The following EYS variants were observed in gnomAD, a reference collection of about 807,000 sequenced individuals.
The protein encoded by EYS is protein eyes shut homolog.
A neutral mutation model predicts 282.1 loss-of-function variants in EYS; 250 were observed. That is an observed-to-expected ratio of 0.89 (90% CI 0.80 to 0.98). EYS has a LOEUF of 0.98. EYS is among the 50% of genes least tolerant of loss of function. The pLI, the probability that EYS is intolerant of heterozygous loss-of-function variation, is 0.00. For synonymous variants in EYS, 1,355 were observed against 1,282.9 expected (o/e 1.06, Z -1.20); for missense variants, 4,016 against 3,709.0 (o/e 1.08, Z -2.15).
intron 13 of EYS, among the ~76,000 whole-genome samples, chr6:65,027,821 G>A (rs1772467459): frequency 6.6e-6 from 1 of 152,070 alleles, no homozygotes; most frequent in Non-Finnish European, 1.5e-5. Flanking sequence ...TTGTTTGTTT[G>A]CATTTATTGG....
intron 22 of EYS, among the ~76,000 whole-genome samples, chr6:64,727,559 A>G (rs1367526984): frequency 2.6e-5 from 4 of 152,226 alleles, no homozygotes; most frequent in Admixed American, 2.0e-4. Context: ...GTAGTAAACT[A>G]TATAATTATT....
At chr6:64,148,457 A>G (rs566125182) in intron 31 of EYS, among the ~76,000 whole-genome samples, 2 of 152,110 alleles carry the variant, frequency 1.3e-5, no homozygotes, top group African/African-American at 2.4e-5. Context: ...TAGGCATTTT[A>G]TCTGTTCCCT....
intron 26 of EYS, among the ~76,000 whole-genome samples, chr6:64,522,687 C>G (rs1160766452): frequency 6.6e-6 from 1 of 151,734 alleles, no homozygotes; most frequent in Admixed American, 6.6e-5. Flanking sequence ...GTAGCTCTGA[C>G]TGACTCTGAG....
intron 30 of EYS, among the ~76,000 whole-genome samples, chr6:64,280,372 A>G (rs2150361307): frequency 6.6e-6 from 1 of 152,200 alleles, no homozygotes; most frequent in South Asian, 2.1e-4. Context: ...TTAGTAGATG[A>G]TCTCTGAGGT....
intron 31 of EYS, among the ~76,000 whole-genome samples, chr6:64,149,980 A>G (rs1341362980): frequency 6.6e-6 from 1 of 152,222 alleles, no homozygotes; most frequent in Non-Finnish European, 1.5e-5. Context: ...GAAATGCCAT[A>G]TGAATGGGAA....
intron 12 of EYS, among the ~76,000 whole-genome samples, chr6:65,195,730 T>C (rs540178649): frequency 3.9e-5 from 6 of 151,996 alleles, no homozygotes; most frequent in Non-Finnish European, 8.8e-5. Flanking sequence ...CCTCCATGTA[T>C]CACTAAACCA....
intron 31 of EYS, among the ~76,000 whole-genome samples, chr6:64,094,553 C>G (rs113732681): frequency 6.6e-6 from 1 of 151,868 alleles, no homozygotes; most frequent in Non-Finnish European, 1.5e-5. Flanking sequence ...AGAGGTGTTT[C>G]TAGTATTCTC....
intron 2 of EYS, among the ~76,000 whole-genome samples, chr6:65,535,946 G>A (rs989395239): frequency 2.6e-5 from 4 of 151,982 alleles, no homozygotes; most frequent in South Asian, 2.1e-4. Flanking sequence ...CTACCACACA[G>A]AAAAGAGTGG....
intron 16 of EYS, among the ~76,000 whole-genome samples, chr6:64,906,151 A>G (rs560051356): frequency 4.4e-4 from 66 of 151,522 alleles, no homozygotes; most frequent in African/African-American, 1.5e-3. Flanking sequence ...AACATTTTCT[A>G]AAATAATTAA....
intron 1 of EYS, among the ~76,000 whole-genome samples, chr6:65,652,362 A>G (rs755949528): frequency 2.6e-5 from 4 of 152,048 alleles, no homozygotes; most frequent in Non-Finnish European, 5.9e-5. Context: ...TTAGATGTTT[A>G]TTGAGGCAAT....
chr6:64,935,818 T>C (rs1249831740), intron 15 of EYS, among the ~76,000 whole-genome samples: 2 of 151,714 alleles, frequency 1.3e-5, no homozygotes, highest in African/African-American at 2.4e-5. Context: ...TAAAAATGTG[T>C]TCCACAAAAT....
rs1768658375 is a variant in EYS at position 65,296,122 on chromosome 6, G to C, written c.1767-3C>G. ...TGTAACTAAGAGAACAGCTGCATCT[G>C]AAACACAGAGAAATGAAAAACCCAA... On this transcript the variant is annotated splice_region_variant and splice_polypyrimidine_tract_variant and intron_variant, in intron 11 of 42. Coordinates refer to ENST00000503581, the MANE Select transcript of EYS (RefSeq NM_001142800.2). The C allele has an allele frequency of 1.3e-6, 2 of 1,537,512 alleles. No individual in the cohort carries two copies. Among genetic ancestry groups the C allele is most frequent in the Non-Finnish European group, 1.7e-6 (2 of 1,143,094 alleles).
chr6:64,558,494 A>G (rs143977325), intron 26 of EYS, among the ~76,000 whole-genome samples: 108 of 152,238 alleles, frequency 7.1e-4, no homozygotes, highest in Middle Eastern at 3.4e-3. Context: ...AAATTTTCCT[A>G]TAGAGATATG....
intron 22 of EYS, among the ~76,000 whole-genome samples, chr6:64,688,373 T>G (rs1034880669): frequency 6.6e-6 from 1 of 152,198 alleles, no homozygotes. Flanking sequence ...TGCTATAAAT[T>G]TCCCTCTACA....
intron 1 of EYS, among the ~76,000 whole-genome samples, chr6:65,642,928 G>T (rs1767327401): frequency 6.6e-6 from 1 of 152,244 alleles, no homozygotes; most frequent in African/African-American, 2.4e-5. Flanking sequence ...GGACTAGCTT[G>T]CAGTTCCTGC....
At chr6:63,836,721 A>G (rs1043225170) in intron 36 of EYS, among the ~76,000 whole-genome samples, 1 of 152,108 alleles carries the variant, frequency 6.6e-6, no homozygotes, top group Non-Finnish European at 1.5e-5. Context: ...TTTTGCACCA[A>G]CCAAATAGTT....
Position 65,104,187 on chromosome 6 carries a change from C to T in EYS, c.2024-46460G>A, listed in dbSNP as rs563431661. 2.0e-5 allele frequency among the ~76,000 whole-genome samples: 3 copies of T among 151,492 alleles called. No homozygotes were observed. The East Asian group carries it at 5.8e-4, about 29-fold the overall frequency. The stretch of plus-strand genomic sequence containing the variant: ...ATTGGAAGTGATTACACTATCATCA[C>T]TTCCAATGTTTTTCTAAAGCAAAAA... On this transcript the variant is annotated intron_variant, in intron 12 of 42. Coordinates refer to ENST00000503581, the MANE Select transcript of EYS (RefSeq NM_001142800.2).
In EYS at chr6:64,593,215, G is replaced by A. The variant is rs759438157; in HGVS notation, c.3779C>T (p.Thr1260Ile). Reference protein sequence around the residue: ...FQRTDPISTQTYTIPPSETLV... With the variant: ...FQRTDPISTQIYTIPPSETLV... ...AGTCTCAGAAGGGGGAATTGTATAT[G>A]TCTGTGTGGAAATGGGATCTGTTCT... The change falls in exon 25 of 43, where the codon ACA (threonine) becomes ATA (isoleucine). Residue 1260 changes from threonine to isoleucine, a missense_variant. Thr to Ile is a moderately conservative substitution (Grantham distance 89, BLOSUM62 -1). Coordinates refer to ENST00000503581, the MANE Select transcript of EYS (RefSeq NM_001142800.2). 4.5e-6 allele frequency: 7 copies of A among 1,550,474 alleles called. No homozygotes were observed. Among genetic ancestry groups the A allele is most frequent in the South Asian group, 1.2e-5 (1 of 83,988 alleles).
At chr6:65,223,426 A>G (rs1350573001) in intron 12 of EYS, among the ~76,000 whole-genome samples, 1 of 152,098 alleles carries the variant, frequency 6.6e-6, no homozygotes, top group Non-Finnish European at 1.5e-5. Context: ...TTAACAAGAG[A>G]ACATATGACA....
Sources: gnomAD v4.1 joint callset for allele counts (sites outside exome capture counted in the v4.1 genomes callset) on GRCh38, gnomAD v4.1.1 for gene constraint, MANE v1.5 for transcripts, NCBI Gene and HGNC (gene_info 2026-07-23, HGNC 2026-07-21) for gene names.